TIPIN: variants seen among roughly 807,000 people sequenced by gnomAD.
TIPIN encodes the protein TIMELESS-interacting protein.
In TIPIN, 29 loss-of-function variants were observed where a neutral mutation model predicts 35.6. The ratio of observed to expected loss-of-function variants is 0.82; its 90% CI spans 0.61 to 1.11. The LOEUF (loss-of-function observed/expected upper bound fraction) is 1.11. Among genes scored for constraint, TIPIN ranks in the 50% most tolerant of loss-of-function variants. The pLI is 0.00. For missense variants in TIPIN, 296 were observed against 345.4 expected (o/e 0.86, Z 1.13); for synonymous variants, 102 against 121.5 (o/e 0.84, Z 1.06).
At chr15:66,342,238 T>G (rs562811465) in intron 6 of TIPIN, among the ~76,000 whole-genome samples, 43 of 151,404 alleles carry the variant, frequency 2.8e-4, no homozygotes, top group African/African-American at 9.5e-4. Context: ...TGATTGTAAT[T>G]AGAAATATTT....
chr15:66,339,871 A>G (rs2093072495), intron 7 of TIPIN, among the ~76,000 whole-genome samples: 1 of 151,608 alleles, frequency 6.6e-6, no homozygotes, highest in Non-Finnish European at 1.5e-5. Flanking sequence ...CACAAGAAAA[A>G]GCATTTTTTT....
chr15:66,364,966 C>CAAAAAAAAAAAAAAAAA (rs138230933), intron 1 of TIPIN, among the ~76,000 whole-genome samples: 7 of 76,050 alleles, frequency 9.2e-5, no homozygotes, highest in African/African-American at 2.1e-4. Flanking sequence ...AACTCCATCT[C>CAAAAAAAAAAAAAAAAA]AAAAAAAAAG....
At chr15:66,381,448 A>T (rs867444290) in intron 1 of TIPIN, among the ~76,000 whole-genome samples, 40 of 152,194 alleles carry the variant, frequency 2.6e-4, no homozygotes, top group East Asian at 5.8e-4. Flanking sequence ...GAAAAAATTA[A>T]AAAAAAAGAA....
intron 1 of TIPIN, among the ~76,000 whole-genome samples, chr15:66,355,788 A>G (rs62011723): frequency 0.056 from 8,599 of 152,212 alleles, 346 homozygotes; most frequent in Middle Eastern, 0.11. Context: ...ATCATGACCC[A>G]CTGTAACTTC....
intron 7 of TIPIN, among the ~76,000 whole-genome samples, chr15:66,338,971 A>G (rs2093065481): frequency 6.6e-6 from 1 of 151,324 alleles, no homozygotes; most frequent in Admixed American, 6.6e-5. Flanking sequence ...TCTCTACTAA[A>G]AATACAAAAA....
intron 1 of TIPIN, 88 bp downstream of exon 1, chr15:66,356,551 G>T: frequency 1.1e-6 from 1 of 941,596 alleles, no homozygotes; most frequent in Non-Finnish European, 1.3e-6. Context: ...TAGTCTGTCT[G>T]GCTCCCTGGC....
At chr15:66,341,387 G>T (rs757805898) in intron 6 of TIPIN, 31 bp from the exon 7 acceptor site, 76 of 1,570,540 alleles carry the variant, frequency 4.8e-5, no homozygotes, top group African/African-American at 9.5e-5. Flanking sequence ...TACATCTGTG[G>T]TGTTAGACTA....
At chr15:66,379,592 A>G in intron 1 of TIPIN, 1 of 1,611,090 alleles carries the variant, frequency 6.2e-7, no homozygotes, top group South Asian at 1.1e-5. Context: ...CAACAGACCC[A>G]TTCTCCGGGA....
intron 1 of TIPIN, among the ~76,000 whole-genome samples, chr15:66,372,713 G>A (rs535471528): frequency 1.1e-4 from 17 of 152,244 alleles, no homozygotes; most frequent in African/African-American, 3.1e-4. Flanking sequence ...AGACCAGCCC[G>A]GCCAACATGG....
intron 4 of TIPIN, among the ~76,000 whole-genome samples, chr15:66,350,342 A>G (rs1346486683): frequency 1.3e-5 from 2 of 151,638 alleles, no homozygotes; most frequent in South Asian, 2.1e-4. Flanking sequence ...GCAGTGTCTC[A>G]CGCCTGTAAT....
intron 1 of TIPIN, among the ~76,000 whole-genome samples, chr15:66,384,154 G>A (rs1262905474): frequency 2.6e-5 from 4 of 151,350 alleles, no homozygotes; most frequent in Non-Finnish European, 4.4e-5. Flanking sequence ...CCACCACCAC[G>A]CCCGGCTAAT....
At chr15:66,378,065 G>A (rs1209385896) in intron 1 of TIPIN, among the ~76,000 whole-genome samples, 1 of 151,654 alleles carries the variant, frequency 6.6e-6, no homozygotes, top group African/African-American at 2.4e-5. Context: ...GAGTGCAGTG[G>A]TGTGATAGCT....
At chr15:66,370,499 G>A (rs1374658554) in intron 1 of TIPIN, among the ~76,000 whole-genome samples, 3 of 151,932 alleles carry the variant, frequency 2.0e-5, no homozygotes, top group African/African-American at 7.3e-5. Context: ...GGCCAGCAGG[G>A]GCATGGGGCG....
At chr15:66,337,328 CTT>C (rs375392324) in intron 7 of TIPIN, 147 bp from the exon 8 acceptor site, 3,192 of 398,704 alleles carry the variant, frequency 8.0e-3, no homozygotes, top group South Asian at 0.015. Context: ...CTAAATATAT[CTT>C]TTTTTTTTTT....
chr15:66,383,544 G>T (rs2093325521), intron 1 of TIPIN: 1 of 982,290 alleles, frequency 1.0e-6, no homozygotes, highest in Non-Finnish European at 1.2e-6. Flanking sequence ...GATTAAAGGT[G>T]TGAGCCACCA....
At chr15:66,363,837 C>T (rs1235473983) in intron 1 of TIPIN, among the ~76,000 whole-genome samples, 2 of 143,884 alleles carry the variant, frequency 1.4e-5, no homozygotes, top group Non-Finnish European at 1.5e-5. Context: ...AAAAAATTAG[C>T]GGGAGGTGGT....
chr15:66,337,228 A>G, intron 7 of TIPIN, 47 bp from the exon 8 acceptor site: 14 of 1,507,912 alleles, frequency 9.3e-6, no homozygotes, highest in Non-Finnish European at 1.3e-5. Flanking sequence ...ACCTGATCCA[A>G]TCTTACCGCA....
rs889888242 is a variant in TIPIN at position 66,336,572 on chromosome 15, C to CAA, written c.*384_*385dup. 36 of 180,576 alleles carry CAA rather than the reference C, an allele frequency of 2.0e-4. 1 individual carries two copies. The highest frequency in any genetic ancestry group is 5.5e-4 in the Admixed American group (10 of 18,210). 11.2% of individuals were successfully genotyped at this position (180,576 alleles called of 1,614,324 possible). On this transcript the variant is annotated 3_prime_UTR_variant, in exon 8 of 8. Transcript: ENST00000261881. ...CTGTGTCAAAAAAAACAAAACAAAA[C>CAA]AAAACAAAAAACTTCAACTAGACTA...
chr15:66,377,128 A>G (rs1024886009), intron 1 of TIPIN, among the ~76,000 whole-genome samples: 1 of 136,010 alleles, frequency 7.4e-6, no homozygotes, highest in Non-Finnish European at 1.6e-5. Context: ...AAAAAAAAAG[A>G]GAGTGCAGCA....
Sources: gnomAD v4.1 joint callset for allele counts (sites outside exome capture counted in the v4.1 genomes callset) on GRCh38, gnomAD v4.1.1 for gene constraint, MANE v1.5 for transcripts, NCBI Gene and HGNC (gene_info 2026-07-23, HGNC 2026-07-21) for gene names.